The following MATN2 variants were observed in gnomAD, a reference collection of about 807,000 sequenced individuals.
The protein encoded by MATN2 is matrilin-2.
MATN2 carries 69 observed loss-of-function variants against 103.2 expected under a neutral mutation model. That is an observed-to-expected ratio of 0.67 (90% CI 0.55 to 0.82). The LOEUF (loss-of-function observed/expected upper bound fraction) is 0.82. MATN2 is among the 40% of genes least tolerant of loss of function. The probability of loss-of-function intolerance (pLI) is 0.00; values close to 1 mark genes in which losing one functional copy is unlikely to be tolerated. For synonymous variants in MATN2, 429 were observed against 450.2 expected, an observed-to-expected ratio of 0.95 and a Z score of 0.60; for missense variants, 1,023 against 1,211.5, an observed-to-expected ratio of 0.84 and a Z score of 2.31.
intron 7 of MATN2, among the ~76,000 whole-genome samples, chr8:97,999,516 T>C (rs1294981262): frequency 6.6e-6 from 1 of 152,224 alleles, no homozygotes. Flanking sequence ...TGTCTGTCTG[T>C]CTGTGACTGG....
intron 2 of MATN2, among the ~76,000 whole-genome samples, chr8:97,917,662 A>T (rs778732109): frequency 7.2e-5 from 11 of 152,232 alleles, no homozygotes; most frequent in Non-Finnish European, 1.6e-4. Flanking sequence ...AGCAGGGTGT[A>T]TGTGGGGGAA....
intron 18 of MATN2, chr8:98,034,117 C>T (rs1814146883): frequency 1.3e-5 from 6 of 454,746 alleles, no homozygotes; most frequent in Non-Finnish European, 2.6e-5. Context: ...CATATAGATT[C>T]AGTGTGTTTA....
Position 97,888,118 on chromosome 8 carries a change from A to G in MATN2, c.18A>G (p.Ala6=), listed in dbSNP as rs769115950. 1 of 1,607,536 alleles carries G rather than the reference A, an allele frequency of 6.2e-7. No individual in the cohort carries two copies. The highest frequency in any genetic ancestry group is 8.5e-7 in the Non-Finnish European group (1 of 1,177,344). ...CCTTGAAAATGGAAAAGATGCTCGC[A>G]GGCTGCTTTCTGCTGATCCTCGGAC... is the stretch of plus-strand genomic sequence containing the variant. The part of the protein sequence containing the change: MEKML[A]GCFLLILGQI... Residue 6 remains alanine (A), a synonymous_variant, in exon 2 of 19, where the codon GCA becomes GCG. Transcript: ENST00000254898.
intron 2 of MATN2, among the ~76,000 whole-genome samples, chr8:97,911,216 C>A (rs1395047101): frequency 6.6e-6 from 1 of 151,818 alleles, no homozygotes; most frequent in African/African-American, 2.4e-5. Flanking sequence ...TGCTCTCGAA[C>A]TCCTGACCTC....
intron 2 of MATN2, among the ~76,000 whole-genome samples, chr8:97,892,054 T>A (rs1818650864): frequency 6.6e-6 from 1 of 151,860 alleles, no homozygotes; most frequent in Non-Finnish European, 1.5e-5. Flanking sequence ...CTGGCCAACA[T>A]GGTGAAAAAC....
At chr8:97,967,151 T>G (rs1811510169) in intron 5 of MATN2, among the ~76,000 whole-genome samples, 1 of 152,214 alleles carries the variant, frequency 6.6e-6, no homozygotes, top group African/African-American at 2.4e-5. Context: ...CACTAAGCCA[T>G]TAATGAGAGA....
intron 2 of MATN2, among the ~76,000 whole-genome samples, chr8:97,908,777 G>A (rs1041789825): frequency 6.6e-6 from 1 of 152,106 alleles, no homozygotes; most frequent in African/African-American, 2.4e-5. Flanking sequence ...GACTATAGGT[G>A]CGCCACCGTG....
intron 3 of MATN2, among the ~76,000 whole-genome samples, chr8:97,936,978 C>T (rs2513843): frequency 0.37 from 55,930 of 151,918 alleles, 11,066 homozygotes; most frequent in Middle Eastern, 0.48. Flanking sequence ...TTATATTATC[C>T]ATGGAAATAA....
intron 7 of MATN2, among the ~76,000 whole-genome samples, chr8:97,997,202 G>A (rs570321598): frequency 1.3e-5 from 2 of 152,338 alleles, no homozygotes; most frequent in Admixed American, 6.5e-5. Context: ...CCTGATTCTG[G>A]TACCATGATG....
Position 97,931,147 on chromosome 8 carries a change from A to G in MATN2, c.337A>G (p.Thr113Ala). The G allele has an allele frequency of 6.2e-7, 1 of 1,613,878 alleles. No homozygotes were observed. The highest frequency in any genetic ancestry group is 8.5e-7 in the Non-Finnish European group (1 of 1,179,834). Residue 113 changes from threonine (T) to alanine (A), a missense_variant, in exon 3 of 19, where the codon ACC (threonine) becomes GCC (alanine). Physicochemically the swap from Thr to Ala is moderately conservative, Grantham distance 58. Coordinates refer to ENST00000254898, the MANE Select transcript of MATN2 (RefSeq NM_002380.5). The surrounding 1 kb of genome is among the most constrained non-coding windows in gnomAD (Gnocchi z 4.1). ...STVKNEFSLK[T>A]FKRKSEVERA... ...TGTCAAGAATGAGTTCTCCCTCAAG[A>G]CCTTCAAGAGGAAGTCCGAGGTGGA... is the stretch of plus-strand genomic sequence containing the variant.
intron 2 of MATN2, among the ~76,000 whole-genome samples, chr8:97,903,067 A>G (rs1178857137): frequency 6.6e-6 from 1 of 152,172 alleles, no homozygotes; most frequent in East Asian, 1.9e-4. Flanking sequence ...AGTTGAGTTT[A>G]GGTAGCCAGT....
In MATN2 at chr8:98,021,274, T is replaced by C. The variant is rs755047787; in HGVS notation, c.1889T>C (p.Ile630Thr). Reference sequence around the variant, plus strand: ...TGTGTTAATAATGGGAATTCCTACATCTGCAAATGCTCAGAGGGATTTGTT... The same window carrying C: ...TGTGTTAATAATGGGAATTCCTACACCTGCAAATGCTCAGAGGGATTTGTT... Reference protein sequence around the residue: ...HICVNNGNSYICKCSEGFVLA... With the variant: ...HICVNNGNSYTCKCSEGFVLA... The change falls in exon 13 of 19, where the codon ATC (isoleucine) becomes ACC (threonine). Residue 630 changes from isoleucine (I) to threonine (T), a missense_variant. By Grantham distance (89) the Ile-to-Thr change is moderately conservative. Transcript: ENST00000254898. 3 of 1,613,614 alleles carry C rather than the reference T, an allele frequency of 1.9e-6. No individual in the cohort carries two copies. The highest frequency in any genetic ancestry group is 2.7e-5 in the African/African-American group (2 of 74,912).
intron 1 of MATN2, among the ~76,000 whole-genome samples, chr8:97,886,322 T>C (rs575320206): frequency 6.6e-6 from 1 of 152,268 alleles, no homozygotes; most frequent in East Asian, 1.9e-4. Context: ...ACTTGAATCA[T>C]CCCAAAACCA....
At chr8:97,955,478 A>C (rs1418137118) in intron 4 of MATN2, among the ~76,000 whole-genome samples, 1 of 152,192 alleles carries the variant, frequency 6.6e-6, no homozygotes, top group African/African-American at 2.4e-5. Flanking sequence ...GGTAAAAGTT[A>C]GCTATTCTAA....
chr8:98,033,449 T>TGGA, intron 17 of MATN2, 112 bp from the exon 18 acceptor site: 1 of 674,282 alleles, frequency 1.5e-6, no homozygotes, highest in Non-Finnish European at 2.5e-6. Flanking sequence ...ATGGAAAAAG[T>TGGA]GGAACATGTC....
intron 10 of MATN2, among the ~76,000 whole-genome samples, chr8:98,013,644 A>T (rs1813255023): frequency 6.6e-6 from 1 of 152,220 alleles, no homozygotes; most frequent in Non-Finnish European, 1.5e-5. Context: ...AGAAACAGAG[A>T]CTGTCTTACA....
chr8:97,883,770 G>A (rs1818332760), intron 1 of MATN2, among the ~76,000 whole-genome samples: 1 of 152,076 alleles, frequency 6.6e-6, no homozygotes, highest in African/African-American at 2.4e-5. Context: ...TAACCAGGAT[G>A]GTCTCGATCT....
intron 4 of MATN2, among the ~76,000 whole-genome samples, chr8:97,943,744 T>A (rs1348753756): frequency 6.6e-6 from 1 of 152,170 alleles, no homozygotes; most frequent in African/African-American, 2.4e-5. Flanking sequence ...ATTGAGCCGC[T>A]GTGCCTGGTG....
chr8:98,030,426 C>G, intron 14 of MATN2, 36 bp from the exon 15 acceptor site: 1 of 1,588,192 alleles, frequency 6.3e-7, no homozygotes, highest in Non-Finnish European at 8.6e-7. Flanking sequence ...GAACACAACT[C>G]TAACTAACTT....
Sources: gnomAD v4.1 joint callset for allele counts (sites outside exome capture counted in the v4.1 genomes callset) on GRCh38, gnomAD v4.1.1 for gene constraint, Gnocchi (gnomAD v3.1) non-coding constraint, MANE v1.5 for transcripts, NCBI Gene and HGNC (gene_info 2026-07-23, HGNC 2026-07-21) for gene names.